GALNT8: variants seen among roughly 807,000 people sequenced by gnomAD.
GALNT8 encodes probable polypeptide N-acetylgalactosaminyltransferase 8.
Under a neutral mutation model 62.7 loss-of-function variants are expected in GALNT8, and 66 were observed. That is an observed-to-expected ratio of 1.05 (90% CI 0.86 to 1.29). The LOEUF (loss-of-function observed/expected upper bound fraction) is 1.29. Ranked by LOEUF, GALNT8 falls within the 50% of genes most tolerant of loss-of-function variation. The probability of loss-of-function intolerance (pLI) is 0.00; values close to 1 mark genes in which losing one functional copy is unlikely to be tolerated. For missense variants in GALNT8, 771 were observed against 791.8 expected (o/e 0.97, Z 0.32); for synonymous variants, 288 against 294.3 (o/e 0.98, Z 0.22).
In GALNT8 at chr12:4,744,608, A is replaced by G; in HGVS notation, c.768A>G (p.Lys256=). The part of the protein sequence containing the change: ...LLKIIRHPER[K]GLAQARNTGW... ...AAATAATACGGCATCCTGAAAGGAA[A>G]GGTCTTGCTCAAGCCCGCAACACTG... The change falls in exon 4 of 11, where the codon AAA becomes AAG. Residue 256 remains lysine, a synonymous_variant. Transcript: ENST00000252318. 6.2e-7 allele frequency: 1 copy of G among 1,613,644 alleles called. No homozygotes were observed. The highest frequency in any genetic ancestry group is 1.3e-5 in the African/African-American group (1 of 75,048).
intron 2 of GALNT8, among the ~76,000 whole-genome samples, chr12:4,727,507 C>T (rs375997588): frequency 1.6e-4 from 24 of 152,350 alleles, no homozygotes; most frequent in Admixed American, 2.6e-4. Context: ...AGGCCCTCCA[C>T]ATTTTCCTAC....
At position 4,739,180 on chromosome 12, in the gene GALNT8, A is replaced by G. The variant is rs1465394512; in HGVS notation, c.527A>G (p.Tyr176Cys). The change falls in exon 3 of 11, where the codon TAT (tyrosine) becomes TGT (cysteine). Residue 176 changes from tyrosine to cysteine, a missense_variant. Transcript: ENST00000252318. Reference protein sequence around the residue: ...TRDYRCLRKTYPSQLPSLSVI... With the variant: ...TRDYRCLRKTCPSQLPSLSVI... ...TCTTATAGATGTCTTCGGAAGACAT[A>G]TCCTTCCCAACTCCCATCCCTCAGT... 1 of 1,610,864 alleles carries G rather than the reference A, an allele frequency of 6.2e-7. No homozygotes were observed. Among genetic ancestry groups the G allele is most frequent in the Non-Finnish European group, 8.5e-7 (1 of 1,177,352 alleles).
chr12:4,755,468 G>C (rs1438817303), intron 6 of GALNT8, among the ~76,000 whole-genome samples: 1 of 152,208 alleles, frequency 6.6e-6, no homozygotes, highest in Non-Finnish European at 1.5e-5. Flanking sequence ...TACTGGGGAT[G>C]GGGGAGGGGT....
At chr12:4,738,533 A>G (rs143977149) in intron 2 of GALNT8, among the ~76,000 whole-genome samples, 1 of 152,238 alleles carries the variant, frequency 6.6e-6, no homozygotes, top group Non-Finnish European at 1.5e-5. Flanking sequence ...GAAGTCTAGA[A>G]TATATAAAGA....
chr12:4,723,066 C>G (rs891788180), intron 1 of GALNT8, among the ~76,000 whole-genome samples: 1 of 152,038 alleles, frequency 6.6e-6, no homozygotes, highest in African/African-American at 2.4e-5. Flanking sequence ...CCTTCCACGT[C>G]CTCCTTCATA....
chr12:4,723,415 C>A (rs933923587), intron 1 of GALNT8, among the ~76,000 whole-genome samples: 1 of 152,104 alleles, frequency 6.6e-6, no homozygotes, highest in African/African-American at 2.4e-5. Context: ...ACCCCAGCAC[C>A]ACCCTCACTA....
intron 6 of GALNT8, among the ~76,000 whole-genome samples, chr12:4,758,002 A>G (rs1946352853): frequency 6.6e-6 from 1 of 152,136 alleles, no homozygotes; most frequent in African/African-American, 2.4e-5. Context: ...TTCTGCACCT[A>G]GGCTGAGTCT....
At position 4,763,391 on chromosome 12, in the gene GALNT8, G is replaced by C; in HGVS notation, c.1497+1G>C. The C allele has an allele frequency of 1.9e-6, 3 of 1,608,580 alleles. No individual in the cohort carries two copies. Among genetic ancestry groups the C allele is most frequent in the Non-Finnish European group, 2.5e-6 (3 of 1,176,952 alleles). On this transcript the variant is annotated splice_donor_variant, in intron 8 of 10. Coordinates refer to ENST00000252318, the MANE Select transcript of GALNT8 (RefSeq NM_017417.2). LOFTEE classifies it high-confidence loss of function. ...CCACACCATCGTGGGCTATGGAAGA[G>C]TATGTATTATGAAATTGCACTTTGG...
Position 4,744,527 on chromosome 12 carries a change from G to T in GALNT8, c.687G>T (p.Lys229Asn), listed in dbSNP as rs752039751. ...GCACTTGATTGACAGGAGAACTAAA[G>T]GTACACTTGGATGAGAAGATTAAGC... ...VDDFSSNGEL[K>N]VHLDEKIKLY... is the part of the protein sequence containing the mutation. Residue 229 changes from lysine (K) to asparagine (N), a missense_variant, in exon 4 of 11, where the codon AAG (lysine) becomes AAT (asparagine). Physicochemically the swap from Lys to Asn is moderately conservative, Grantham distance 94 (BLOSUM62 0). Coordinates refer to ENST00000252318, the MANE Select transcript of GALNT8 (RefSeq NM_017417.2). 6.2e-7 allele frequency: 1 copy of T among 1,606,574 alleles called. No individual in the cohort carries two copies. The highest frequency in any genetic ancestry group is 2.2e-5 in the East Asian group (1 of 44,722).
At chr12:4,730,866 C>G (rs571206663) in intron 2 of GALNT8, among the ~76,000 whole-genome samples, 219 of 137,290 alleles carry the variant, frequency 1.6e-3, no homozygotes, top group African/African-American at 5.1e-3. Flanking sequence ...TTTTTCTTTT[C>G]TTTTTTTTTT....
chr12:4,734,237 C>T (rs1946234178), intron 2 of GALNT8, among the ~76,000 whole-genome samples: 1 of 152,140 alleles, frequency 6.6e-6, no homozygotes, highest in Admixed American at 6.5e-5. Context: ...AAAGATCATG[C>T]AGATAGAAAG....
At chr12:4,758,774 A>T (rs1040146259) in intron 6 of GALNT8, among the ~76,000 whole-genome samples, 1 of 126,112 alleles carries the variant, frequency 7.9e-6, no homozygotes, top group African/African-American at 2.8e-5. Flanking sequence ...ATAAACGGCA[A>T]TCTTTTTTTT....
At chr12:4,751,732 C>G (rs1284070635) in intron 6 of GALNT8, among the ~76,000 whole-genome samples, 1 of 152,064 alleles carries the variant, frequency 6.6e-6, no homozygotes, top group African/African-American at 2.4e-5. Context: ...TCCGCAGCCA[C>G]TGGATGAAAT....
chr12:4,739,985 C>T (rs1946264573), intron 3 of GALNT8, among the ~76,000 whole-genome samples: 2 of 152,064 alleles, frequency 1.3e-5, no homozygotes, highest in Non-Finnish European at 2.9e-5. Context: ...CCCTCTTATG[C>T]ACCATGAAGA....
chr12:4,746,118 A>T, intron 5 of GALNT8, 26 bp from the exon 6 acceptor site: 1 of 1,324,494 alleles, frequency 7.6e-7, no homozygotes, highest in Non-Finnish European at 1.1e-6. Flanking sequence ...TGGAGAGATT[A>T]GTGACTCTTG....
chr12:4,764,045 C>CAGGT lies in GALNT8; in HGVS notation c.1593_1593+3dup. The CAGGT allele has an allele frequency of 6.6e-7, 1 of 1,523,904 alleles. No homozygotes were observed. The highest frequency in any genetic ancestry group is 9.1e-7 in the Non-Finnish European group (1 of 1,097,012). 94.4% of individuals were successfully genotyped at this position (1,523,904 alleles called of 1,614,324 possible). A position where few individuals can be genotyped will look rare whatever the true frequency, so the allele number is the denominator to read the frequency against. On this transcript the variant is annotated frameshift_variant and splice_region_variant, in exon 9 of 11. Transcript: ENST00000252318. LOFTEE classifies it high-confidence loss of function. ...GTATTACTGCCATGAATTCAGCTCA[C>CAGGT]AGGTATCTTCCACAATCTTCCTGGC...
intron 2 of GALNT8, among the ~76,000 whole-genome samples, chr12:4,731,614 G>C (rs547261454): frequency 1.3e-5 from 2 of 152,324 alleles, no homozygotes; most frequent in South Asian, 2.1e-4. Context: ...GATGTTAGCT[G>C]TGGGTTTGTC....
rs768505391 is a variant in GALNT8 at position 4,767,619 on chromosome 12, CAGA to C, written c.1761+2078_1761+2080del. On this transcript the variant is annotated intron_variant, in intron 10 of 10. Coordinates refer to ENST00000252318, the MANE Select transcript of GALNT8 (RefSeq NM_017417.2). ...AGGCCTTACAGCTTCAGGTTTCCTA[CAGA>C]AGAATAGGCTGCTGAGCATAGTGGT... Among the ~76,000 whole-genome samples, 3 of 152,140 alleles carry C rather than the reference CAGA, an allele frequency of 2.0e-5. No individual in the cohort carries two copies. In the East Asian group the frequency reaches 5.8e-4, roughly 29 times the overall value.
intron 6 of GALNT8, among the ~76,000 whole-genome samples, chr12:4,756,763 C>T (rs750629488): frequency 2.0e-5 from 3 of 152,362 alleles, no homozygotes; most frequent in Non-Finnish European, 4.4e-5. Context: ...CAGGACTCCA[C>T]ATTTAATGTT....
Sources: allele counts gnomAD v4.1 joint callset (sites outside exome capture counted in the v4.1 genomes callset), GRCh38; gene constraint gnomAD v4.1.1; transcripts MANE v1.5; gene names NCBI Gene and HGNC (gene_info 2026-07-23, HGNC 2026-07-21).